The following INHBA variants were observed in gnomAD, a reference collection of about 807,000 sequenced individuals.
The protein encoded by INHBA is inhibin subunit beta A.
INHBA carries 1 observed loss-of-function variant against 29.0 expected under a neutral mutation model. The ratio of observed to expected loss-of-function variants is 0.03; its 90% CI spans 0.01 to 0.16. The LOEUF (loss-of-function observed/expected upper bound fraction) is 0.16, where lower values mean the gene tolerates loss of function less well. Among genes scored for constraint, INHBA ranks in the 10% least tolerant of loss-of-function variants. INHBA has a pLI of 1.00. For synonymous variants in INHBA, 242 were observed against 216.8 expected (o/e 1.12, Z -1.02); for missense variants, 376 against 545.4 (o/e 0.69, Z 3.09).
Position 41,685,202 on chromosome 7 carries a change from T to C in INHBA, c.*4448A>G, listed in dbSNP as rs1794373584. On this transcript the variant is annotated 3_prime_UTR_variant, in exon 3 of 3. Coordinates refer to ENST00000242208, the MANE Select transcript of INHBA (RefSeq NM_002192.4). ...ACTGTCCACTAACTGTACAAAATATTGACTGCATGCCTCGCAAACACCAAA... is the reference window on the plus strand; with the variant it reads ...ACTGTCCACTAACTGTACAAAATATCGACTGCATGCCTCGCAAACACCAAA... The C allele has an allele frequency of 6.6e-6, 1 of 152,124 alleles. No individual in the cohort carries two copies. The highest frequency in any genetic ancestry group is 1.5e-5 in the Non-Finnish European group (1 of 67,984). The allele number at this position is 152,124 out of a possible 1,614,324, so 9.4% of individuals were successfully genotyped here.
At chr7:41,702,414 G>T (rs562835805) in intron 1 of INHBA, among the ~76,000 whole-genome samples, 15 of 152,194 alleles carry the variant, frequency 9.9e-5, no homozygotes, top group African/African-American at 3.6e-4. Context: ...CACCATTATT[G>T]TTAAAACTTT....
chr7:41,695,749 C>G (rs1794633043), intron 2 of INHBA, among the ~76,000 whole-genome samples: 1 of 152,068 alleles, frequency 6.6e-6, no homozygotes, highest in Non-Finnish European at 1.5e-5. Context: ...AAGGTTTAAC[C>G]CACAAAATTT....
chr7:41,691,760 A>T (rs765896202), intron 2 of INHBA: 7 of 152,258 alleles, frequency 4.6e-5, no homozygotes, highest in Non-Finnish European at 7.3e-5. Context: ...CCGGGGTCTA[A>T]GGTCACTATC....
intron 2 of INHBA, chr7:41,692,604 G>T (rs1470890481): frequency 1.3e-5 from 2 of 152,400 alleles, no homozygotes; most frequent in Non-Finnish European, 2.9e-5. Context: ...TGGCCATGAT[G>T]ATGGTGGCGG....
chr7:41,696,526 A>G (rs939756169), intron 2 of INHBA, among the ~76,000 whole-genome samples: 2 of 152,184 alleles, frequency 1.3e-5, no homozygotes, highest in Non-Finnish European at 2.9e-5. Context: ...GATAATCACC[A>G]AGATTAGGGC....
chr7:41,689,745 G>C lies in INHBA; in HGVS notation c.1186C>G (p.Leu396Val). 1 of 1,613,960 alleles carries C rather than the reference G, an allele frequency of 6.2e-7. No homozygotes were observed. Among genetic ancestry groups the C allele is most frequent in the Non-Finnish European group, 8.5e-7 (1 of 1,179,990 alleles). ...NLKSCCVPTK[L>V]RPMSMLYYDD... is the part of the protein sequence containing the mutation. Reference sequence around the variant, plus strand: ...TAGTACAACATGGACATGGGTCTCAGCTTGGTGGGCACACAGCACGATTTG... The same window carrying C: ...TAGTACAACATGGACATGGGTCTCACCTTGGTGGGCACACAGCACGATTTG... The change falls in exon 3 of 3, where the codon CTG becomes GTG. Residue 396 changes from leucine to valine, a missense_variant. Physicochemically the swap from Leu to Val is conservative, Grantham distance 32. Coordinates refer to ENST00000242208, the MANE Select transcript of INHBA (RefSeq NM_002192.4).
Position 41,689,547 on chromosome 7 carries a change from A to G in INHBA, c.*103T>C. The G allele has an allele frequency of 1.1e-6, 1 of 875,890 alleles. No homozygotes were observed. The highest frequency in any genetic ancestry group is 3.0e-5 in the East Asian group (1 of 32,826). The allele number at this position is 875,890 out of a possible 1,614,324, so 54.3% of individuals were successfully genotyped here. A position where few individuals can be genotyped will look rare whatever the true frequency, so the allele number is the denominator to read the frequency against. On this transcript the variant is annotated 3_prime_UTR_variant, in exon 3 of 3. Coordinates refer to ENST00000242208, the MANE Select transcript of INHBA (RefSeq NM_002192.4). ...TGTTTTTTTTTTTGTTTTGTTTTTA[A>G]TTTCTATTTTTCTGGTTAACTCAGA... is the stretch of plus-strand genomic sequence containing the variant.
chr7:41,698,427 T>C (rs1323987255), intron 2 of INHBA, among the ~76,000 whole-genome samples: 2 of 152,170 alleles, frequency 1.3e-5, no homozygotes, highest in African/African-American at 4.8e-5. Flanking sequence ...GAAATCTGTT[T>C]CACATGCACA....
rs547267525 is a variant in INHBA at position 41,698,940 on chromosome 7, G to A, written c.388+1047C>T. Among the ~76,000 whole-genome samples, 7 of 152,356 alleles carry A rather than the reference G, an allele frequency of 4.6e-5. No individual in the cohort carries two copies. The East Asian group carries it at 1.3e-3, about 29-fold the overall frequency. On this transcript the variant is annotated intron_variant, in intron 2 of 2. Transcript: ENST00000242208. ...AACAATGGCATTCCTTTCAAATGGA[G>A]TTGGCAAAGGATGCAATTCTTTAGC...
chr7:41,698,043 C>T (rs896035442), intron 2 of INHBA, among the ~76,000 whole-genome samples: 10 of 152,116 alleles, frequency 6.6e-5, no homozygotes, highest in Admixed American at 2.0e-4. Context: ...GAACGTCCAA[C>T]GAATCGCTTT....
chr7:41,704,979 G>A (rs1048675107), upstream of INHBA, among the ~76,000 whole-genome samples: 4 of 152,060 alleles, frequency 2.6e-5, no homozygotes, highest in African/African-American at 9.7e-5. Flanking sequence ...CAGCCTACCA[G>A]CCGTGCTGCA....
At chr7:41,703,611 G>A (rs1377186708), upstream of INHBA, among the ~76,000 whole-genome samples, 1 of 151,928 alleles carries the variant, frequency 6.6e-6, no homozygotes, top group Non-Finnish European at 1.5e-5. Flanking sequence ...ATATGATGAT[G>A]GTCTCCCCCG....
At position 41,698,633 on chromosome 7, in the gene INHBA, AGTGAGAGAGGCTTCTG is replaced by A. The variant is rs534267160; in HGVS notation, c.388+1338_388+1353del. ...GGGAAAGAAAGTAGGATCTTCCCTA[AGTGAGAGAGGCTTCTG>A]GTGAGAGAGCCAAACTGGGAAGCTT... On this transcript the variant is annotated intron_variant, in intron 2 of 2. Coordinates refer to ENST00000242208, the MANE Select transcript of INHBA (RefSeq NM_002192.4). Among the ~76,000 whole-genome samples the A allele has an allele frequency of 7.2e-5, 11 of 152,244 alleles. No homozygotes were observed. In the South Asian group the frequency reaches 2.1e-3, roughly 29 times the overall value.
In INHBA at chr7:41,690,295, G is replaced by A. The variant is rs149369067; in HGVS notation, c.636C>T (p.Asp212=). The change falls in exon 3 of 3, where the codon GAC becomes GAT. Residue 212 remains aspartate, a synonymous_variant. Transcript: ENST00000242208. The stretch of plus-strand genomic sequence containing the variant: ...AGACATGCCAGGTGCTCTTCCGAGC[G>A]TCTACTACTTTTTCAGAGAGCAACA... ...SELLLSEKVV[D]ARKSTWHVFP... 59 of 1,613,864 alleles carry A rather than the reference G, an allele frequency of 3.7e-5. No individual in the cohort carries two copies. In the African/African-American group the frequency reaches 6.5e-4, roughly 18 times the overall value.
At chr7:41,702,411 A>G (rs1401321444) in intron 1 of INHBA, among the ~76,000 whole-genome samples, 1 of 152,162 alleles carries the variant, frequency 6.6e-6, no homozygotes, top group Non-Finnish European at 1.5e-5. Context: ...CTCCACCATT[A>G]TTGTTAAAAC....
Position 41,690,490 on chromosome 7 carries a change from C to G in INHBA, c.441G>C (p.Leu147=). 1 of 1,612,834 alleles carries G rather than the reference C, an allele frequency of 6.2e-7. No individual in the cohort carries two copies. Among genetic ancestry groups the G allele is most frequent in the Non-Finnish European group, 8.5e-7 (1 of 1,179,602 alleles). The change falls in exon 3 of 3, where the codon CTG becomes CTC. Residue 147 remains leucine, a synonymous_variant. Coordinates refer to ENST00000242208, the MANE Select transcript of INHBA (RefSeq NM_002192.4). ...AGACTTCTGCACGCTCCACCACTGA[C>G]AGGTCACTGCCTTCCTTGGAAATCT... ...HFEISKEGSD[L]SVVERAEVWL...
Position 41,685,335 on chromosome 7 carries a change from C to T in INHBA, c.*4315G>A, listed in dbSNP as rs1378189799. 6.6e-6 allele frequency: 1 copy of T among 152,062 alleles called. No individual in the cohort carries two copies. Among genetic ancestry groups the T allele is most frequent in the Non-Finnish European group, 1.5e-5 (1 of 67,962 alleles). The allele number at this position is 152,062 out of a possible 1,614,324, so 9.4% of individuals were successfully genotyped here. The stretch of plus-strand genomic sequence containing the variant: ...ATTGTAAATAAAAAAATTACCAGTA[C>T]TTCTACACAATAAATATTAAGAAAC... On this transcript the variant is annotated 3_prime_UTR_variant, in exon 3 of 3. Transcript: ENST00000242208.
At chr7:41,699,814 C>G (rs976320103) in intron 2 of INHBA, among the ~76,000 whole-genome samples, 173 bp downstream of exon 2, 8 of 152,120 alleles carry the variant, frequency 5.3e-5, no homozygotes, top group African/African-American at 1.9e-4. Context: ...TCCTCTCCCC[C>G]TCCCCTGCCT....
intron 2 of INHBA, among the ~76,000 whole-genome samples, chr7:41,697,678 CTT>C (rs564662467): frequency 1.3e-3 from 193 of 152,248 alleles, no homozygotes; most frequent in Non-Finnish European, 2.3e-3. Flanking sequence ...TCCAAAAACT[CTT>C]GACATTCCAC....
Sources: gnomAD v4.1 joint callset for allele counts (sites outside exome capture counted in the v4.1 genomes callset) on GRCh38, gnomAD v4.1.1 for gene constraint, MANE v1.5 for transcripts, NCBI Gene and HGNC (gene_info 2026-07-23, HGNC 2026-07-21) for gene names.